NAAA: variants seen among roughly 807,000 people sequenced by gnomAD.
NAAA encodes N-acylethanolamine-hydrolyzing acid amidase.
Under a neutral mutation model 44.8 loss-of-function variants are expected in NAAA, and 39 were observed. The ratio of observed to expected loss-of-function variants is 0.87; its 90% confidence interval spans 0.67 to 1.14. The LOEUF (loss-of-function observed/expected upper bound fraction) is 1.14, where lower values mean the gene tolerates loss of function less well. NAAA is among the 50% of genes most tolerant of loss of function. The probability of loss-of-function intolerance (pLI) is 0.00; values close to 1 mark genes in which losing one functional copy is unlikely to be tolerated. For synonymous variants in NAAA, 178 were observed against 191.3 expected (o/e 0.93, Z 0.58); for missense variants, 460 against 467.8 (o/e 0.98, Z 0.15).
intron 9 of NAAA, 134 bp from the exon 10 acceptor site, chr4:75,915,119 T>A: frequency 1.5e-6 from 1 of 671,554 alleles, no homozygotes. Flanking sequence ...TTTAAATCTA[T>A]GAATCAAGAG....
Position 75,940,144 on chromosome 4 carries a change from C to T in NAAA, c.228G>A (p.Val76=), listed in dbSNP as rs1248434633. Residue 76 remains valine (V), a synonymous_variant, in exon 2 of 11, where the codon GTG becomes GTA. Coordinates refer to ENST00000286733, the MANE Select transcript of NAAA (RefSeq NM_014435.4). ...QVIGDRVPKW[V]HVLIGKVVLE... ...GGACCACTTTTCCGATTAACACGTG[C>T]ACCCACTTGGGGACTCTGTCCCTAG... 2 of 1,613,932 alleles carry T rather than the reference C, an allele frequency of 1.2e-6. No homozygotes were observed. The highest frequency in any genetic ancestry group is 4.5e-5 in the East Asian group (2 of 44,884).
intron 10 of NAAA, 40 bp from the exon 11 acceptor site, chr4:75,914,378 A>ATTTT (rs112092179): frequency 4.1e-6 from 3 of 724,092 alleles, no homozygotes; most frequent in East Asian, 1.4e-4. Flanking sequence ...TCAAAGACTG[A>ATTTT]TTTTTTTTTT....
chr4:75,918,864 C>T (rs918141249), intron 8 of NAAA, 75 bp from the exon 9 acceptor site: 14 of 1,401,008 alleles, frequency 1.0e-5, no homozygotes, highest in South Asian at 3.5e-5. Context: ...TATGGAGGGC[C>T]GGGTGCAGTG....
intron 7 of NAAA, 75 bp from the exon 8 acceptor site, chr4:75,920,050 G>T: frequency 7.6e-7 from 1 of 1,317,594 alleles, no homozygotes; most frequent in Non-Finnish European, 1.1e-6. Flanking sequence ...TTTTTGGGAG[G>T]CAGAATGCAA....
chr4:75,930,606 A>G (rs1718218149), intron 4 of NAAA: 1 of 417,698 alleles, frequency 2.4e-6, no homozygotes, highest in Non-Finnish European at 4.7e-6. Flanking sequence ...TTCTGCTTCC[A>G]TCTTAACCTA....
At chr4:75,916,778 CTTTTTTTT>C (rs35739236) in intron 9 of NAAA, among the ~76,000 whole-genome samples, 4,680 of 77,078 alleles carry the variant, frequency 0.061, 364 homozygotes, top group African/African-American at 0.21. Flanking sequence ...TTCATCACTT[CTTTTTTTT>C]TTTTTTTTTT....
intron 4 of NAAA, among the ~76,000 whole-genome samples, chr4:75,929,190 C>T (rs531917616): frequency 3.3e-5 from 5 of 152,362 alleles, no homozygotes; most frequent in Middle Eastern, 3.4e-3. Flanking sequence ...CCCAGGCAGA[C>T]TGGCCCTGGA....
intron 5 of NAAA, among the ~76,000 whole-genome samples, chr4:75,924,564 C>T (rs1726479306): frequency 1.3e-5 from 2 of 152,192 alleles, no homozygotes; most frequent in East Asian, 3.8e-4. Flanking sequence ...TCTTGTAGAG[C>T]AGATGTTCCT....
chr4:75,914,839 C>T (rs1725501116), intron 10 of NAAA, 29 bp downstream of exon 10: 3 of 1,539,738 alleles, frequency 1.9e-6, no homozygotes, highest in East Asian at 4.5e-5. Flanking sequence ...CCCACCTCAC[C>T]CCCTCTCCAC....
chr4:75,914,287 T>C lies in NAAA; in HGVS notation c.*88A>G, dbSNP rs1324405692. 2.0e-6 allele frequency: 2 copies of C among 985,572 alleles called. No homozygotes were observed. The highest frequency in any genetic ancestry group is 1.1e-4 in the East Asian group (1 of 8,828). 61.1% of individuals were successfully genotyped at this position (985,572 alleles called of 1,614,324 possible). On this transcript the variant is annotated 3_prime_UTR_variant, in exon 11 of 11. Coordinates refer to ENST00000286733, the MANE Select transcript of NAAA (RefSeq NM_014435.4). The stretch of plus-strand genomic sequence containing the variant: ...AACATAATACAATACTTTCACTTTG[T>C]CTTATTTTTTAAGGTGCAGCTCTTC...
Position 75,940,206 on chromosome 4 carries a change from GTC to G in NAAA, c.207-43_207-42del, listed in dbSNP as rs769884454. ...ACAAGGGCGTCTGACCCGCTCAGAG[GTC>G]GGCGGCGTGCGACTGCGTGTGCACT... On this transcript the variant is annotated intron_variant, in intron 1 of 10. Coordinates refer to ENST00000286733, the MANE Select transcript of NAAA (RefSeq NM_014435.4). The G allele has an allele frequency of 7.5e-6, 12 of 1,590,756 alleles. No homozygotes were observed. The African/African-American group carries it at 1.6e-4, about 21-fold the overall frequency.
chr4:75,914,750 C>T, intron 10 of NAAA, 118 bp downstream of exon 10: 2 of 626,870 alleles, frequency 3.2e-6, no homozygotes, highest in Non-Finnish European at 5.3e-6. Flanking sequence ...AATGACAATG[C>T]CAGATGCTTG....
chr4:75,924,689 T>A (rs75569253), intron 5 of NAAA, among the ~76,000 whole-genome samples: 3,114 of 152,300 alleles, frequency 0.02, 102 homozygotes, highest in African/African-American at 0.07. Context: ...TAATATTATC[T>A]CCTATCTCAA....
At chr4:75,923,191 C>T (rs1021449485) in intron 5 of NAAA, among the ~76,000 whole-genome samples, 8 of 152,288 alleles carry the variant, frequency 5.3e-5, no homozygotes, top group Admixed American at 2.6e-4. Context: ...TGCAGGCGAG[C>T]ACCATCACAC....
At chr4:75,921,879 T>A (rs75682935) in intron 5 of NAAA, among the ~76,000 whole-genome samples, 3,491 of 152,256 alleles carry the variant, frequency 0.023, 131 homozygotes, top group African/African-American at 0.079. Flanking sequence ...GGGCGCATGA[T>A]GACTTCCAAA....
chr4:75,933,965 G>A (rs906588886), intron 3 of NAAA, among the ~76,000 whole-genome samples: 1 of 151,750 alleles, frequency 6.6e-6, no homozygotes, highest in Non-Finnish European at 1.5e-5. Context: ...GGGAGGCAGA[G>A]GTTGCAGTGA....
intron 9 of NAAA, among the ~76,000 whole-genome samples, chr4:75,918,050 G>GAAC (rs1725794526): frequency 6.6e-6 from 1 of 152,208 alleles, no homozygotes; most frequent in Admixed American, 6.5e-5. Flanking sequence ...GAGTTAGGAT[G>GAAC]AACACCTCAC....
At chr4:75,933,197 A>G (rs1439960129) in intron 3 of NAAA, among the ~76,000 whole-genome samples, 1 of 152,034 alleles carries the variant, frequency 6.6e-6, no homozygotes, top group Non-Finnish European at 1.5e-5. Flanking sequence ...AAGTTAACTA[A>G]TACCATTATG....
chr4:75,911,319 G>C (rs1359072257), downstream of NAAA: 1 of 517,110 alleles, frequency 1.9e-6, no homozygotes, highest in Non-Finnish European at 3.8e-6. Context: ...TGGGCTCAGA[G>C]GCCTGACAAT....
Sources: gnomAD v4.1 joint callset for allele counts (sites outside exome capture counted in the v4.1 genomes callset) on GRCh38, gnomAD v4.1.1 for gene constraint, MANE v1.5 for transcripts, NCBI Gene and HGNC (gene_info 2026-07-23, HGNC 2026-07-21) for gene names.